The following ZCWPW2 variants were observed in gnomAD, a reference collection of about 807,000 sequenced individuals.
ZCWPW2 encodes zinc finger CW-type and PWWP domain containing 2, also known as zinc finger CW-type PWWP domain protein 2.
In ZCWPW2, 45 loss-of-function variants were observed where a neutral mutation model predicts 46.6. The ratio of observed to expected loss-of-function variants is 0.96; its 90% CI spans 0.76 to 1.24. ZCWPW2 has a LOEUF of 1.24. Among genes scored for constraint, ZCWPW2 ranks in the 50% most tolerant of loss-of-function variants. The pLI is 0.00. For synonymous variants in ZCWPW2, 152 were observed against 137.1 expected, an observed-to-expected ratio of 1.11 and a Z score of -0.76; for missense variants, 429 against 403.9, an observed-to-expected ratio of 1.06 and a Z score of -0.53.
chr3:28,355,562 A>C (rs1158480921), intron 1 of ZCWPW2, among the ~76,000 whole-genome samples: 1 of 152,246 alleles, frequency 6.6e-6, no homozygotes, highest in Admixed American at 6.5e-5. Context: ...AGCCAAAAGA[A>C]CAAAGCTGGA....
At chr3:28,358,465 T>C (rs1304506378) in intron 1 of ZCWPW2, among the ~76,000 whole-genome samples, 1 of 152,098 alleles carries the variant, frequency 6.6e-6, no homozygotes, top group Non-Finnish European at 1.5e-5. Context: ...TGTCAAATTC[T>C]CAGAGAATTG....
intron 1 of ZCWPW2, among the ~76,000 whole-genome samples, chr3:28,349,940 G>A (rs954139733): frequency 6.6e-6 from 1 of 151,944 alleles, no homozygotes; most frequent in African/African-American, 2.4e-5. Flanking sequence ...GTCTTTTTTG[G>A]TTTAGATTTA....
chr3:28,522,486 A>G (rs1229212693), intron 9 of ZCWPW2, among the ~76,000 whole-genome samples: 1 of 152,182 alleles, frequency 6.6e-6, no homozygotes, highest in East Asian at 1.9e-4. Context: ...ATAAATGGAC[A>G]AAGGGGTTTA....
chr3:28,395,729 G>A (rs1291501856), intron 2 of ZCWPW2, among the ~76,000 whole-genome samples: 2 of 152,104 alleles, frequency 1.3e-5, no homozygotes, highest in Admixed American at 6.6e-5. Context: ...AAAGTAGAAG[G>A]GTGGTTACCG....
intron 2 of ZCWPW2, among the ~76,000 whole-genome samples, chr3:28,391,082 A>C (rs971521222): frequency 3.9e-5 from 6 of 152,162 alleles, no homozygotes; most frequent in African/African-American, 1.2e-4. Context: ...TTTTAGACTA[A>C]AATTATTTTC....
At chr3:28,393,344 A>G (rs901026316) in intron 2 of ZCWPW2, among the ~76,000 whole-genome samples, 2 of 152,148 alleles carry the variant, frequency 1.3e-5, no homozygotes, top group African/African-American at 4.8e-5. Context: ...TCGCTGCTGA[A>G]TACTACCAAA....
chr3:28,384,758 C>A (rs1197444639), intron 1 of ZCWPW2, among the ~76,000 whole-genome samples: 3 of 151,890 alleles, frequency 2.0e-5, no homozygotes, highest in Non-Finnish European at 4.4e-5. Context: ...GGATTACAGG[C>A]ACCCATTTCC....
At chr3:28,409,122 C>CTTTTTTTTTTTTT (rs11328735) in intron 2 of ZCWPW2, among the ~76,000 whole-genome samples, 3 of 82,324 alleles carry the variant, frequency 3.6e-5, no homozygotes, top group East Asian at 3.9e-4. Context: ...TTTTCTTTTT[C>CTTTTTTTTTTTTT]TTTTTTTTTT....
rs1043774011 is a variant in ZCWPW2 at position 28,348,828 on chromosome 3, C to G, written c.-509C>G. On this transcript the variant is annotated 5_prime_UTR_variant, in exon 1 of 10. Transcript: ENST00000383768. ...GCCCGGGACGTTCTGGAAGGAGGGACGAGCCGAGGCAGGAGGGGCCGGGCC... is the reference window on the plus strand; with the variant it reads ...GCCCGGGACGTTCTGGAAGGAGGGAGGAGCCGAGGCAGGAGGGGCCGGGCC... 2.9e-5 allele frequency: 13 copies of G among 443,524 alleles called. No homozygotes were observed. The highest frequency in any genetic ancestry group is 3.6e-5 in the Non-Finnish European group (12 of 334,670). 27.5% of individuals were successfully genotyped at this position (443,524 alleles called of 1,614,324 possible).
chr3:28,500,711 A>T (rs1185875311), intron 6 of ZCWPW2, among the ~76,000 whole-genome samples: 1 of 152,154 alleles, frequency 6.6e-6, no homozygotes, highest in Non-Finnish European at 1.5e-5. Context: ...AGATGTCTGG[A>T]TATTTGTGGT....
intron 6 of ZCWPW2, among the ~76,000 whole-genome samples, chr3:28,495,385 A>T (rs1317176591): frequency 2.6e-5 from 4 of 152,126 alleles, no homozygotes; most frequent in Non-Finnish European, 4.4e-5. Context: ...GGATAGGTTT[A>T]TTTCAATCTT....
intron 4 of ZCWPW2, among the ~76,000 whole-genome samples, chr3:28,457,336 A>G (rs985623926): frequency 2.6e-5 from 4 of 152,226 alleles, no homozygotes; most frequent in Non-Finnish European, 5.9e-5. Context: ...ACCTGTTTGT[A>G]ATAAACACAA....
chr3:28,416,938 C>T (rs1469340260), intron 3 of ZCWPW2, among the ~76,000 whole-genome samples: 3 of 145,094 alleles, frequency 2.1e-5, no homozygotes, highest in Non-Finnish European at 3.0e-5. Flanking sequence ...TTGAGGATTT[C>T]TGCATCGATG....
At chr3:28,426,802 C>T (rs542899749) in intron 3 of ZCWPW2, among the ~76,000 whole-genome samples, 3 of 152,276 alleles carry the variant, frequency 2.0e-5, no homozygotes, top group Admixed American at 1.3e-4. Flanking sequence ...AAAGTTTGCT[C>T]TCCACTTATA....
At chr3:28,361,781 A>G (rs972555358) in intron 1 of ZCWPW2, among the ~76,000 whole-genome samples, 3 of 152,210 alleles carry the variant, frequency 2.0e-5, no homozygotes, top group Non-Finnish European at 2.9e-5. Context: ...GATACTCAAC[A>G]TCACTAATTA....
At chr3:28,486,484 C>A (rs958136586) in intron 5 of ZCWPW2, among the ~76,000 whole-genome samples, 2 of 151,934 alleles carry the variant, frequency 1.3e-5, no homozygotes, top group Non-Finnish European at 2.9e-5. Flanking sequence ...GGAAGAACTT[C>A]TTTTAGTGTT....
At chr3:28,352,274 C>T (rs1282659132) in intron 1 of ZCWPW2, among the ~76,000 whole-genome samples, 1 of 152,084 alleles carries the variant, frequency 6.6e-6, no homozygotes, top group Non-Finnish European at 1.5e-5. Flanking sequence ...CAACATACAT[C>T]CTTTACCCTT....
intron 1 of ZCWPW2, among the ~76,000 whole-genome samples, chr3:28,370,130 T>C (rs2125701089): frequency 6.6e-6 from 1 of 152,328 alleles, no homozygotes; most frequent in Non-Finnish European, 1.5e-5. Flanking sequence ...CTCTCCCTGC[T>C]TTGGCTCATG....
intron 1 of ZCWPW2, among the ~76,000 whole-genome samples, chr3:28,349,607 G>A (rs1704456472): frequency 6.6e-6 from 1 of 152,124 alleles, no homozygotes; most frequent in Non-Finnish European, 1.5e-5. Context: ...CACCACCTTG[G>A]TTATTTCTAG....
Sources: allele counts gnomAD v4.1 joint callset (sites outside exome capture counted in the v4.1 genomes callset), GRCh38; gene constraint gnomAD v4.1.1; transcripts MANE v1.5; gene names NCBI Gene and HGNC (gene_info 2026-07-23, HGNC 2026-07-21).